SEMA6D: variants seen among roughly 807,000 people sequenced by gnomAD.
The protein encoded by SEMA6D is semaphorin-6D.
A neutral mutation model predicts 106.6 loss-of-function variants in SEMA6D; 35 were observed. The observed-to-expected ratio is 0.33, with a 90% CI of 0.25 to 0.44. SEMA6D has a LOEUF of 0.44. SEMA6D is among the 20% of genes least tolerant of loss of function. The pLI is 1.00. For missense variants in SEMA6D, 1,185 were observed against 1,345.9 expected (o/e 0.88, Z 1.87); for synonymous variants, 499 against 487.7 (o/e 1.02, Z -0.31).
chr15:47,248,440 A>G (rs2033322578), intron 1 of SEMA6D, among the ~76,000 whole-genome samples: 2 of 152,138 alleles, frequency 1.3e-5, no homozygotes, highest in South Asian at 2.1e-4. Context: ...CAGAAAGCCC[A>G]ATTTACCCCA....
chr15:47,377,323 A>C (rs892143954), intron 1 of SEMA6D, among the ~76,000 whole-genome samples: 3 of 152,324 alleles, frequency 2.0e-5, no homozygotes, highest in Admixed American at 6.5e-5. Context: ...AAATAGGTAC[A>C]AGTGGCCACA....
intron 1 of SEMA6D, among the ~76,000 whole-genome samples, chr15:47,323,639 G>A (rs1279672761): frequency 6.6e-6 from 1 of 152,102 alleles, no homozygotes; most frequent in Non-Finnish European, 1.5e-5. Flanking sequence ...TGATTTTCAG[G>A]CTTTAAACTA....
intron 2 of SEMA6D, among the ~76,000 whole-genome samples, chr15:47,438,735 G>A (rs2140723059): frequency 6.6e-6 from 1 of 151,508 alleles, no homozygotes; most frequent in African/African-American, 2.4e-5. Context: ...CCCCTTCCCT[G>A]GGTATGCTTA....
intron 1 of SEMA6D, among the ~76,000 whole-genome samples, chr15:47,391,981 T>C (rs2040050230): frequency 6.6e-6 from 1 of 152,076 alleles, no homozygotes. Context: ...GGCTCACACT[T>C]AATTCCCAAC....
At chr15:47,482,979 A>G (rs541456853) in intron 3 of SEMA6D, among the ~76,000 whole-genome samples, 2 of 152,174 alleles carry the variant, frequency 1.3e-5, no homozygotes, top group African/African-American at 2.4e-5. Flanking sequence ...AGATATAGAT[A>G]CTTGCTCTTG....
chr15:47,740,865 G>C (rs779845141), intron 1 of SEMA6D, among the ~76,000 whole-genome samples: 3 of 152,136 alleles, frequency 2.0e-5, no homozygotes, highest in Non-Finnish European at 2.9e-5. Context: ...GACCCTTAAC[G>C]TCAAAGATAG....
intron 1 of SEMA6D, among the ~76,000 whole-genome samples, chr15:47,238,391 A>C (rs1206406027): frequency 2.0e-5 from 3 of 152,118 alleles, no homozygotes; most frequent in Admixed American, 1.3e-4. Flanking sequence ...ATGTCCTTTG[A>C]TTTGACCCCT....
At chr15:47,400,991 G>T (rs2040379931) in intron 1 of SEMA6D, among the ~76,000 whole-genome samples, 1 of 152,188 alleles carries the variant, frequency 6.6e-6, no homozygotes, top group African/African-American at 2.4e-5. Flanking sequence ...TCAATTATTA[G>T]TAGTGTAACA....
intron 3 of SEMA6D, among the ~76,000 whole-genome samples, chr15:47,550,532 G>C (rs2045653665): frequency 6.6e-6 from 1 of 152,150 alleles, no homozygotes. Flanking sequence ...CTACAGCCAA[G>C]GAATCTGAGT....
intron 1 of SEMA6D, among the ~76,000 whole-genome samples, chr15:47,333,456 C>A (rs912007655): frequency 1.3e-5 from 2 of 152,070 alleles, no homozygotes; most frequent in Non-Finnish European, 2.9e-5. Flanking sequence ...AAAGGCCATA[C>A]AAAACACCCC....
chr15:47,509,564 A>G (rs2044157381), intron 3 of SEMA6D, among the ~76,000 whole-genome samples: 1 of 152,204 alleles, frequency 6.6e-6, no homozygotes, highest in African/African-American at 2.4e-5. Context: ...CCCCCGAATT[A>G]TGGTATCCTT....
intron 1 of SEMA6D, among the ~76,000 whole-genome samples, chr15:47,727,743 G>T (rs569980526): frequency 6.7e-6 from 1 of 148,322 alleles, no homozygotes; most frequent in African/African-American, 2.5e-5. Context: ...TCTGCTGACC[G>T]GCCTATATCA....
chr15:47,516,936 A>G (rs1290505651), intron 3 of SEMA6D, among the ~76,000 whole-genome samples: 1 of 152,186 alleles, frequency 6.6e-6, no homozygotes, highest in Non-Finnish European at 1.5e-5. Flanking sequence ...TAAATGCCCA[A>G]TAAGAGTTAA....
chr15:47,765,748 T>C (rs2082303765), intron 13 of SEMA6D, 121 bp from the exon 14 acceptor site: 4 of 897,520 alleles, frequency 4.5e-6, no homozygotes, highest in Non-Finnish European at 6.2e-6. Flanking sequence ...TCCCAAGCTA[T>C]GTACTTGCCT....
chr15:47,607,421 C>T (rs1161561054), intron 4 of SEMA6D, among the ~76,000 whole-genome samples: 2 of 152,174 alleles, frequency 1.3e-5, no homozygotes, highest in African/African-American at 4.8e-5. Flanking sequence ...AAGCTAGTGG[C>T]AGCAGCAGCA....
intron 4 of SEMA6D, among the ~76,000 whole-genome samples, chr15:47,709,164 C>T (rs1737878409): frequency 6.6e-6 from 1 of 152,040 alleles, no homozygotes; most frequent in Non-Finnish European, 1.5e-5. Flanking sequence ...TCCTACATGT[C>T]ACCCTAGGAT....
chr15:47,328,273 T>C (rs1480050344), intron 1 of SEMA6D, among the ~76,000 whole-genome samples: 5 of 152,218 alleles, frequency 3.3e-5, no homozygotes, highest in African/African-American at 1.2e-4. Context: ...TCTTCTTTGA[T>C]GCCAAGTTGA....
chr15:47,431,139 GGCTC>G (rs1567074685), intron 2 of SEMA6D, among the ~76,000 whole-genome samples: 1 of 151,872 alleles, frequency 6.6e-6, no homozygotes, highest in East Asian at 1.9e-4. Context: ...AAAACTATTG[GGCTC>G]ATGGTCTCAT....
intron 3 of SEMA6D, among the ~76,000 whole-genome samples, chr15:47,544,416 G>A (rs2045453423): frequency 6.6e-6 from 1 of 152,082 alleles, no homozygotes. Context: ...GCTCGAAATT[G>A]AATATCTACT....
Sources: allele counts gnomAD v4.1 joint callset (sites outside exome capture counted in the v4.1 genomes callset), GRCh38; gene constraint gnomAD v4.1.1; transcripts MANE v1.5; gene names NCBI Gene and HGNC (gene_info 2026-07-23, HGNC 2026-07-21).